Variants in KDM6A observed in about 807,000 individuals in gnomAD.
The protein encoded by KDM6A is lysine demethylase 6A, also known as lysine-specific demethylase 6A.
In KDM6A, 11 loss-of-function variants were observed where a neutral mutation model predicts 117.6. That is an observed-to-expected ratio of 0.09 (90% CI 0.06 to 0.15). KDM6A has a LOEUF of 0.15. Among genes scored for constraint, KDM6A ranks in the 10% least tolerant of loss-of-function variants. The probability of loss-of-function intolerance (pLI) is 1.00; values close to 1 mark genes in which losing one functional copy is unlikely to be tolerated. For synonymous variants in KDM6A, 384 were observed against 396.1 expected, an observed-to-expected ratio of 0.97 and a Z score of 0.36; for missense variants, 799 against 1,077.3, an observed-to-expected ratio of 0.74 and a Z score of 3.62.
intron 2 of KDM6A, among the ~76,000 whole-genome samples, chrX:44,944,958 C>A (rs142052218): frequency 0.038 from 4,190 of 110,747 alleles, 214 homozygotes; most frequent in African/African-American, 0.13. Flanking sequence ...AATTTTCCTT[C>A]TGCCTGAGAA....
At chrX:45,030,760 A>C (rs1294008451) in intron 6 of KDM6A, among the ~76,000 whole-genome samples, 1 of 110,835 alleles carries the variant, frequency 9.0e-6, no homozygotes, top group African/African-American at 3.3e-5. Flanking sequence ...CCCATGCTGG[A>C]GTGCAGTGGT....
intron 4 of KDM6A, among the ~76,000 whole-genome samples, chrX:45,002,733 C>A (rs112058354): frequency 2.7e-5 from 3 of 110,722 alleles, no homozygotes; most frequent in African/African-American, 6.6e-5. Flanking sequence ...CTTTCACAGA[C>A]AATTCTTTGA....
intron 6 of KDM6A, among the ~76,000 whole-genome samples, chrX:45,025,807 C>CA (rs921703235): frequency 3.6e-5 from 4 of 111,900 alleles, no homozygotes; most frequent in African/African-American, 1.3e-4. Context: ...GTTAGGTAAC[C>CA]AAAAAGGGTG....
At chrX:45,071,841 C>CTT (rs1368354552) in intron 18 of KDM6A, among the ~76,000 whole-genome samples, 4 of 110,867 alleles carry the variant, frequency 3.6e-5, no homozygotes, top group Non-Finnish European at 7.5e-5. Flanking sequence ...GCGATTTCAA[C>CTT]TTACCGCACG....
chrX:45,111,368 A>G lies in KDM6A; in HGVS notation c.4333-14A>G, dbSNP rs771086254. On this transcript the variant is annotated splice_polypyrimidine_tract_variant and intron_variant, in intron 29 of 29. Transcript: ENST00000611820. ...TTTGTATATCAAAATAACCTACCTT[A>G]CTTTTATTTTCAGGCTCCTCCATTA... The G allele has an allele frequency of 3.4e-6, 4 of 1,177,644 alleles. No homozygotes were observed. Among genetic ancestry groups the G allele is most frequent in the Non-Finnish European group, 4.6e-6 (4 of 864,627 alleles).
rs1440556025 is a variant in KDM6A at position 45,061,383 on chromosome X, A to G, written c.1545A>G (p.Gln515=). 7 of 1,177,768 alleles carry G rather than the reference A, an allele frequency of 5.9e-6. No individual in the cohort carries two copies. The highest frequency in any genetic ancestry group is 3.4e-6 in the Non-Finnish European group (3 of 869,654). ...HAVSHPPVQQ[Q]AHSWCLTPQK... is the part of the protein sequence containing the mutation. ...TGTCACATCCTCCAGTACAGCAACA[A>G]GCTCATTCATGGTGTTTGACACCAC... Residue 515 remains glutamine, a synonymous_variant, in exon 15 of 30, where the codon CAA becomes CAG. Coordinates refer to ENST00000611820, the MANE Select transcript of KDM6A (RefSeq NM_001291415.2).
chrX:45,062,432 G>A (rs1052464387), intron 15 of KDM6A, among the ~76,000 whole-genome samples: 2 of 112,080 alleles, frequency 1.8e-5, no homozygotes, highest in African/African-American at 6.5e-5. Context: ...AGAACTCATA[G>A]TAAATCTTGT....
chrX:44,950,162 C>T (rs969126014), intron 2 of KDM6A, among the ~76,000 whole-genome samples: 1 of 110,266 alleles, frequency 9.1e-6, no homozygotes, highest in African/African-American at 3.3e-5. Flanking sequence ...ACTACAGGCG[C>T]GTGCCACCAT....
chrX:45,111,927 G>T lies in KDM6A; in HGVS notation c.*516G>T, dbSNP rs889692575. ...TCTGTCTTGTTTTGAGACCATGATG[G>T]TTACACTTTTGGTTCCTAAATAAAA... On this transcript the variant is annotated 3_prime_UTR_variant, in exon 30 of 30. Transcript: ENST00000611820. 1 of 169,743 alleles carries T rather than the reference G, an allele frequency of 5.9e-6. No homozygotes were observed. Among genetic ancestry groups the T allele is most frequent in the African/African-American group, 3.0e-5 (1 of 33,295 alleles). The allele number at this position is 169,743 out of a possible 1,213,427, so 14.0% of individuals were successfully genotyped here. A position where few individuals can be genotyped will look rare whatever the true frequency, so the allele number is the denominator to read the frequency against.
At chrX:45,018,339 C>T (rs1206905669) in intron 5 of KDM6A, among the ~76,000 whole-genome samples, 1 of 111,333 alleles carries the variant, frequency 9.0e-6, no homozygotes, top group African/African-American at 3.3e-5. Context: ...TAGGTTGCAC[C>T]TTGTCCTGGG....
At chrX:44,909,896 A>G (rs2034973504) in intron 2 of KDM6A, among the ~76,000 whole-genome samples, 2 of 112,361 alleles carry the variant, frequency 1.8e-5, no homozygotes, top group African/African-American at 6.5e-5. Flanking sequence ...AGATAAAAGC[A>G]TAGCACTTTG....
At chrX:44,896,373 G>A (rs1023934289) in intron 2 of KDM6A, among the ~76,000 whole-genome samples, 2 of 110,832 alleles carry the variant, frequency 1.8e-5, no homozygotes, top group African/African-American at 3.3e-5. Context: ...CACCGCGCCC[G>A]GCCAAAAATA....
At chrX:44,880,835 GTTA>G (rs1238408924) in intron 2 of KDM6A, among the ~76,000 whole-genome samples, 1 of 111,233 alleles carries the variant, frequency 9.0e-6, no homozygotes, top group African/African-American at 3.3e-5. Flanking sequence ...ACACCAGAAT[GTTA>G]TATTTTGGTT....
chrX:45,029,159 G>T (rs1274684728), intron 6 of KDM6A, among the ~76,000 whole-genome samples: 1 of 111,891 alleles, frequency 8.9e-6, no homozygotes, highest in East Asian at 2.8e-4. Flanking sequence ...GTGTGGCTGG[G>T]CGCAGTGGCT....
At chrX:44,992,800 C>CTGG (rs2147419029) in intron 4 of KDM6A, among the ~76,000 whole-genome samples, 1 of 110,756 alleles carries the variant, frequency 9.0e-6, no homozygotes, top group East Asian at 2.8e-4. Context: ...CCCACCTCGG[C>CTGG]CTTCCAAAGT....
intron 2 of KDM6A, among the ~76,000 whole-genome samples, chrX:44,928,268 G>A (rs1486870553): frequency 9.0e-6 from 1 of 111,665 alleles, no homozygotes; most frequent in Non-Finnish European, 1.9e-5. Flanking sequence ...ATGCATGCTG[G>A]AGTACGTAGG....
At chrX:44,907,276 T>C (rs1233891093) in intron 2 of KDM6A, among the ~76,000 whole-genome samples, 3 of 111,411 alleles carry the variant, frequency 2.7e-5, no homozygotes, top group African/African-American at 9.8e-5. Flanking sequence ...TATCAGTTCC[T>C]TTTTTTGTTG....
chrX:45,069,920 G>A lies in KDM6A; in HGVS notation c.2421G>A (p.Thr807=), dbSNP rs374758648. Residue 807 remains threonine (T), a synonymous_variant, in exon 18 of 30, where the codon ACG becomes ACA. Transcript: ENST00000611820. Reference sequence around the variant, plus strand: ...TTCCTAATCATGTCCATCAGATGACGGCAGATGCTGTTTGCAGTCCTAGCC... The same window carrying A: ...TTCCTAATCATGTCCATCAGATGACAGCAGATGCTGTTTGCAGTCCTAGCC... ...EGLPNHVHQM[T]ADAVCSPSHG... The A allele has an allele frequency of 9.1e-5, 110 of 1,209,612 alleles. No individual in the cohort carries two copies. Among genetic ancestry groups the A allele is most frequent in the Middle Eastern group, 2.3e-4 (1 of 4,372 alleles).
In KDM6A at chrX:45,051,798, G is replaced by GTTGCT; in HGVS notation, c.746_747insGCTTT (p.Gly250LeufsTer2). ...AAGTAAAAGCAACTGTCTTACAACA[G>GTTGCT]TTAGGTATGTAATAGTATACATTTA... On this transcript the variant is annotated frameshift_variant, in exon 9 of 30. Coordinates refer to ENST00000611820, the MANE Select transcript of KDM6A (RefSeq NM_001291415.2). LOFTEE classifies it high-confidence loss of function. The GTTGCT allele has an allele frequency of 1.8e-6, 2 of 1,099,243 alleles. No homozygotes were observed. Among genetic ancestry groups the GTTGCT allele is most frequent in the Non-Finnish European group, 2.5e-6 (2 of 795,772 alleles). The allele number at this position is 1,099,243 out of a possible 1,213,427, so 90.6% of individuals were successfully genotyped here.
Sources: allele counts gnomAD v4.1 joint callset (sites outside exome capture counted in the v4.1 genomes callset), GRCh38; gene constraint gnomAD v4.1.1; transcripts MANE v1.5; gene names NCBI Gene and HGNC (gene_info 2026-07-23, HGNC 2026-07-21).